The following LDLRAD3 variants were observed in gnomAD, a reference collection of about 807,000 sequenced individuals.
LDLRAD3 encodes the protein low density lipoprotein receptor class A domain containing 3.
LDLRAD3 carries 20 observed loss-of-function variants against 29.4 expected under a neutral mutation model. The observed-to-expected ratio is 0.68, with a 90% CI of 0.48 to 0.99. The LOEUF (loss-of-function observed/expected upper bound fraction) is 0.99. Among genes scored for constraint, LDLRAD3 ranks in the 50% least tolerant of loss-of-function variants. LDLRAD3 has a pLI of 0.00. For missense variants in LDLRAD3, 420 were observed against 454.3 expected (o/e 0.92, Z 0.69); for synonymous variants, 157 against 192.7 (o/e 0.81, Z 1.53).
chr11:36,079,068 G>T (rs1379329499), intron 2 of LDLRAD3, among the ~76,000 whole-genome samples: 2 of 152,164 alleles, frequency 1.3e-5, no homozygotes, highest in Non-Finnish European at 2.9e-5. Flanking sequence ...GGGACGCAGG[G>T]CACAGGGGAC....
At chr11:36,092,147 C>CT (rs1049230440) in intron 3 of LDLRAD3, among the ~76,000 whole-genome samples, 1 of 152,110 alleles carries the variant, frequency 6.6e-6, no homozygotes, top group African/African-American at 2.4e-5. Flanking sequence ...CAGCATGTAC[C>CT]TTTTTTGGTA....
At chr11:35,997,578 G>A in intron 1 of LDLRAD3, 1 of 298,848 alleles carries the variant, frequency 3.3e-6, no homozygotes, top group Non-Finnish European at 6.4e-6. Context: ...CATACCCAGA[G>A]GGCCAATCTT....
intron 4 of LDLRAD3, among the ~76,000 whole-genome samples, chr11:36,185,053 G>T (rs1179613103): frequency 6.6e-6 from 1 of 152,076 alleles, no homozygotes; most frequent in African/African-American, 2.4e-5. Flanking sequence ...CTAGAATTAG[G>T]TTTTTTCCCC....
chr11:36,124,974 C>G (rs11824560), intron 4 of LDLRAD3, among the ~76,000 whole-genome samples: 35,489 of 152,024 alleles, frequency 0.23, 4,911 homozygotes, highest in East Asian at 0.33. Flanking sequence ...TTAGACATGC[C>G]AAGCTCTTTC....
rs180810576 is a variant in LDLRAD3, at chr11:36,225,836, C to T, written c.455-1249C>T. Among the ~76,000 whole-genome samples, 17 of 152,144 alleles carry T rather than the reference C, an allele frequency of 1.1e-4. No homozygotes were observed. In the East Asian group the frequency reaches 2.3e-3, roughly 21 times the overall value. ...CTGTAATCCCAGCACTTTGGGAGGC[C>T]GAGGCAGTTGGATCACTTGAGGTCA... On this transcript the variant is annotated intron_variant, in intron 4 of 5. Transcript: ENST00000315571.
chr11:35,989,831 G>T (rs939504556), intron 1 of LDLRAD3, among the ~76,000 whole-genome samples: 4 of 152,116 alleles, frequency 2.6e-5, no homozygotes, highest in Non-Finnish European at 5.9e-5. Flanking sequence ...TCTAGGTATA[G>T]AATCATATTG....
chr11:36,017,655 A>C (rs377389651), intron 1 of LDLRAD3, among the ~76,000 whole-genome samples: 8 of 151,090 alleles, frequency 5.3e-5, no homozygotes, highest in African/African-American at 2.0e-4. Context: ...CAGCCTCCCG[A>C]GTAGCTGGGA....
intron 4 of LDLRAD3, among the ~76,000 whole-genome samples, chr11:36,105,628 T>A (rs1266833765): frequency 6.6e-6 from 1 of 151,874 alleles, no homozygotes; most frequent in Non-Finnish European, 1.5e-5. Flanking sequence ...GATCACCATG[T>A]GAAGGTGAAG....
At chr11:35,954,539 C>A (rs1225649410) in intron 1 of LDLRAD3, among the ~76,000 whole-genome samples, 1 of 152,162 alleles carries the variant, frequency 6.6e-6, no homozygotes, top group African/African-American at 2.4e-5. Context: ...TGAAGGGGAT[C>A]ACTAAAGACA....
At chr11:35,997,894 C>T (rs1050841121) in intron 1 of LDLRAD3, among the ~76,000 whole-genome samples, 3 of 152,194 alleles carry the variant, frequency 2.0e-5, no homozygotes, top group Non-Finnish European at 2.9e-5. Context: ...ACTCTGGCCT[C>T]CTGTCTTTTC....
At chr11:36,134,381 C>T (rs990191144) in intron 4 of LDLRAD3, among the ~76,000 whole-genome samples, 3 of 152,134 alleles carry the variant, frequency 2.0e-5, no homozygotes, top group Non-Finnish European at 2.9e-5. Flanking sequence ...CTGTAAAAAT[C>T]GAGTTTTCCT....
chr11:36,135,086 T>G (rs181467476), intron 4 of LDLRAD3, among the ~76,000 whole-genome samples: 1 of 152,336 alleles, frequency 6.6e-6, no homozygotes, highest in Non-Finnish European at 1.5e-5. Flanking sequence ...AGAGTGATGT[T>G]TGGTGGATAC....
At chr11:36,195,908 C>T (rs947030267) in intron 4 of LDLRAD3, among the ~76,000 whole-genome samples, 3 of 151,818 alleles carry the variant, frequency 2.0e-5, no homozygotes, top group Non-Finnish European at 4.4e-5. Context: ...AGCATCTGCA[C>T]GTAAAGAAAG....
rs192647281 is a variant in LDLRAD3, at chr11:36,034,990, G to A, written c.47-1113G>A. Among the ~76,000 whole-genome samples, 162 of 152,286 alleles carry A rather than the reference G, an allele frequency of 1.1e-3. 1 individual carries two copies. The highest frequency in any genetic ancestry group is 0.01 in the Middle Eastern group (3 of 294). ...ACCTTCTCTTCTGCTACCCCGAGGC[G>A]GGTCTAGACATCCCTGTTCTTATTT... On this transcript the variant is annotated intron_variant, in intron 1 of 5. Coordinates refer to ENST00000315571, the MANE Select transcript of LDLRAD3 (RefSeq NM_174902.4).
At chr11:36,108,319 C>CAAAAA (rs60376519) in intron 4 of LDLRAD3, among the ~76,000 whole-genome samples, 770 of 48,980 alleles carry the variant, frequency 0.016, 68 homozygotes, top group Middle Eastern at 0.019. Flanking sequence ...GACTCCATCT[C>CAAAAA]AAAAAAAAAA....
At chr11:35,964,111 A>G (rs1851310351) in intron 1 of LDLRAD3, among the ~76,000 whole-genome samples, 1 of 152,200 alleles carries the variant, frequency 6.6e-6, no homozygotes, top group Non-Finnish European at 1.5e-5. Flanking sequence ...AGCCATAAGT[A>G]TTACAAGTTT....
chr11:36,150,937 T>C (rs927269643), intron 4 of LDLRAD3, among the ~76,000 whole-genome samples: 4 of 152,120 alleles, frequency 2.6e-5, no homozygotes, highest in Non-Finnish European at 5.9e-5. Flanking sequence ...TGTCTTGCTG[T>C]CTGTGTTCAA....
intron 2 of LDLRAD3, among the ~76,000 whole-genome samples, chr11:36,055,481 G>T (rs974645619): frequency 6.6e-6 from 1 of 152,314 alleles, no homozygotes; most frequent in South Asian, 2.1e-4. Context: ...CAGAAACAGA[G>T]GGTTCCTGGC....
chr11:36,146,490 G>A (rs1016438548), intron 4 of LDLRAD3, among the ~76,000 whole-genome samples: 16 of 152,030 alleles, frequency 1.1e-4, no homozygotes, highest in African/African-American at 3.9e-4. Flanking sequence ...GTTTCCTCAG[G>A]CTGCATAAAT....
Sources: gnomAD v4.1 joint callset for allele counts (sites outside exome capture counted in the v4.1 genomes callset) on GRCh38, gnomAD v4.1.1 for gene constraint, MANE v1.5 for transcripts, NCBI Gene and HGNC (gene_info 2026-07-23, HGNC 2026-07-21) for gene names.